The following WNT5A variants were observed in gnomAD, a reference collection of about 807,000 sequenced individuals.
WNT5A encodes the protein protein Wnt-5a.
Under a neutral mutation model 42.1 loss-of-function variants are expected in WNT5A, and 9 were observed. That is an observed-to-expected ratio of 0.21 (90% CI 0.13 to 0.37). The LOEUF (loss-of-function observed/expected upper bound fraction) is 0.37. Ranked by LOEUF, WNT5A falls within the 10% of genes least tolerant of loss-of-function variation. The pLI is 1.00. For missense variants in WNT5A, 426 were observed against 534.0 expected, an observed-to-expected ratio of 0.80 and a Z score of 1.99; for synonymous variants, 210 against 210.0, an observed-to-expected ratio of 1.00 and a Z score of 0.00.
intron 3 of WNT5A, among the ~76,000 whole-genome samples, chr3:55,478,543 A>G (rs1398838151): frequency 6.6e-6 from 1 of 152,262 alleles, no homozygotes; most frequent in Admixed American, 6.5e-5. Flanking sequence ...TATTTAAACA[A>G]AAGCAGAGGC....
chr3:55,497,584 C>G, the WNT5A span: 3 of 152,254 alleles, frequency 2.0e-5, no homozygotes, highest in Admixed American at 1.3e-4. Context: ...AATGCACTCC[C>G]TCTAGTCTGT....
chr3:55,499,932 G>T, the WNT5A span, among the ~76,000 whole-genome samples: 1 of 150,722 alleles, frequency 6.6e-6, no homozygotes, highest in Admixed American at 6.6e-5. Context: ...CCGAGATAGA[G>T]CCACTGCACT....
Position 55,467,521 on chromosome 3 carries a change from G to T in WNT5A, c.*2571C>A, listed in dbSNP as rs559598298. The T allele has an allele frequency of 6.6e-6, 1 of 152,254 alleles. No individual in the cohort carries two copies. The highest frequency in any genetic ancestry group is 6.6e-5 in the Admixed American group (1 of 15,238). 9.4% of individuals were successfully genotyped at this position (152,254 alleles called of 1,614,324 possible). ...GACATGTAGTCATCCTAAACTATCC[G>T]TCATGGTTTCTCCAAAAATCTCCAC... On this transcript the variant is annotated 3_prime_UTR_variant, in exon 5 of 5. Coordinates refer to ENST00000264634, the MANE Select transcript of WNT5A (RefSeq NM_003392.7).
chr3:55,470,798 AG>A (rs1337982882), intron 4 of WNT5A, among the ~76,000 whole-genome samples: 3 of 152,196 alleles, frequency 2.0e-5, no homozygotes, highest in Non-Finnish European at 2.9e-5. Flanking sequence ...TAATAGGAAC[AG>A]GAAAAAAAAA....
chr3:55,498,752 T>G, the WNT5A span, among the ~76,000 whole-genome samples: 1 of 152,074 alleles, frequency 6.6e-6, no homozygotes, highest in Non-Finnish European at 1.5e-5. Context: ...ACAGACTAGA[T>G]TAACAGAGAT....
chr3:55,474,633 T>G lies in WNT5A; in HGVS notation c.392-4A>C, dbSNP rs1575398724. On this transcript the variant is annotated splice_region_variant and splice_polypyrimidine_tract_variant and intron_variant, in intron 3 of 4. Coordinates refer to ENST00000264634, the MANE Select transcript of WNT5A (RefSeq NM_003392.7). ...GTGAAGGCCGTCTCGCGGCTGCCTG[T>G]GGGTGAGGACAAGGGATCACTGGCC... The G allele has an allele frequency of 8.1e-7, 1 of 1,231,714 alleles. No homozygotes were observed. Among genetic ancestry groups the G allele is most frequent in the Non-Finnish European group, 1.0e-6 (1 of 987,438 alleles). The allele number at this position is 1,231,714 out of a possible 1,614,324, so 76.3% of individuals were successfully genotyped here. A position where few individuals can be genotyped will look rare whatever the true frequency, so the allele number is the denominator to read the frequency against.
At chr3:55,493,230 T>G (rs958740943), upstream of WNT5A, among the ~76,000 whole-genome samples, 3 of 152,230 alleles carry the variant, frequency 2.0e-5, no homozygotes, top group Admixed American at 6.5e-5. Flanking sequence ...ATGTCACATC[T>G]CTGCTTAAAG....
rs565807106 is a variant in WNT5A, at chr3:55,481,350, G to A, written c.7-432C>T. The stretch of plus-strand genomic sequence containing the variant: ...CCCAACCTGGGCCGAGCAACAAGTG[G>A]AGCCAGAATTAATTCCATGGGCGAG... On this transcript the variant is annotated intron_variant, in intron 1 of 4. Coordinates refer to ENST00000264634, the MANE Select transcript of WNT5A (RefSeq NM_003392.7). The A allele has an allele frequency of 8.4e-5, 83 of 986,530 alleles. No individual in the cohort carries two copies. In the African/African-American group the frequency reaches 1.2e-3, roughly 14 times the overall value. The allele number at this position is 986,530 out of a possible 1,614,324, so 61.1% of individuals were successfully genotyped here.
chr3:55,473,891 A>C lies in WNT5A; in HGVS notation c.684+446T>G, dbSNP rs184812907. Among the ~76,000 whole-genome samples, 168 of 152,284 alleles carry C rather than the reference A, an allele frequency of 1.1e-3. 1 individual carries two copies. Among genetic ancestry groups the C allele is most frequent in the African/African-American group, 3.5e-3 (145 of 41,558 alleles). On this transcript the variant is annotated intron_variant, in intron 4 of 4. Transcript: ENST00000264634. The stretch of plus-strand genomic sequence containing the variant: ...GAGGGAGAAAGTTATTCCCATTTTT[A>C]TTTCTGTGCTCCAGTAGCCAAAGGT...
chr3:55,470,122 C>T lies in WNT5A; in HGVS notation c.1113G>A (p.Thr371=), dbSNP rs751084010. The T allele has an allele frequency of 9.3e-6, 15 of 1,614,130 alleles. No individual in the cohort carries two copies. In the South Asian group the frequency reaches 1.4e-4, roughly 15 times the overall value. The change falls in exon 5 of 5, where the codon ACG becomes ACA. Residue 371 remains threonine, a synonymous_variant. Coordinates refer to ENST00000264634, the MANE Select transcript of WNT5A (RefSeq NM_003392.7). ...WCCYVKCKKC[T]EIVDQFVCK ...TGCACACAAACTGGTCCACGATCTC[C>T]GTGCACTTCTTGCACTTGACGTAGC...
chr3:55,474,130 TGA>T (rs2051302824), intron 4 of WNT5A, among the ~76,000 whole-genome samples: 1 of 150,762 alleles, frequency 6.6e-6, no homozygotes, highest in Non-Finnish European at 1.5e-5. Flanking sequence ...AGAAAGAAAG[TGA>T]GACGGGAACA....
At chr3:55,502,272 A>T in the WNT5A span, among the ~76,000 whole-genome samples, 1 of 152,164 alleles carries the variant, frequency 6.6e-6, no homozygotes, top group Non-Finnish European at 1.5e-5. Flanking sequence ...TCTTGTGCTG[A>T]TGGGGTCAGC....
intron 1 of WNT5A, among the ~76,000 whole-genome samples, chr3:55,482,872 G>T (rs1432034932): frequency 1.3e-5 from 2 of 152,136 alleles, no homozygotes; most frequent in Non-Finnish European, 2.9e-5. Context: ...AAGGGCAGCC[G>T]ATGCCGCGTG....
chr3:55,487,160 G>T lies in WNT5A; in HGVS notation c.-175C>A. The T allele has an allele frequency of 1.7e-6, 1 of 597,930 alleles. No individual in the cohort carries two copies. Among genetic ancestry groups the T allele is most frequent in the Non-Finnish European group, 2.9e-6 (1 of 339,298 alleles). 37.0% of individuals were successfully genotyped at this position (597,930 alleles called of 1,614,324 possible). On this transcript the variant is annotated 5_prime_UTR_variant, in exon 1 of 5. Coordinates refer to ENST00000264634, the MANE Select transcript of WNT5A (RefSeq NM_003392.7). ...GGAGCTGAAGCGGGCACTGGCGCCC[G>T]GGCCTGGACTCCCGAGTTGGGGCAG...
chr3:55,489,844 G>C (rs571176533), upstream of WNT5A: 2 of 152,464 alleles, frequency 1.3e-5, no homozygotes, highest in South Asian at 4.1e-4. Flanking sequence ...CACCTGAGGA[G>C]GGTGTCTGAA....
At chr3:55,481,042 C>A in intron 1 of WNT5A, 124 bp from the exon 2 acceptor site, 3 of 1,106,740 alleles carry the variant, frequency 2.7e-6, no homozygotes, top group Non-Finnish European at 3.5e-6. Context: ...GCTTCTCCTC[C>A]GTGAGTTTTT....
At chr3:55,480,449 G>C (rs2051436296) in intron 2 of WNT5A, among the ~76,000 whole-genome samples, 1 of 152,182 alleles carries the variant, frequency 6.6e-6, no homozygotes, top group African/African-American at 2.4e-5. Context: ...GTGGCAAAAA[G>C]TAAATTTTGT....
intron 2 of WNT5A, 30 bp from the exon 3 acceptor site, chr3:55,479,594 T>C: frequency 1.3e-6 from 2 of 1,543,766 alleles, no homozygotes; most frequent in Non-Finnish European, 1.8e-6. Context: ...GCATTCAAGA[T>C]TTACGTGAAA....
chr3:55,493,692 G>T (rs2051686081), upstream of WNT5A: 1 of 152,166 alleles, frequency 6.6e-6, no homozygotes, highest in South Asian at 2.1e-4. Context: ...CTGAGCAAAA[G>T]TTTGAACCCT....
Sources: allele counts gnomAD v4.1 joint callset (sites outside exome capture counted in the v4.1 genomes callset), GRCh38; gene constraint gnomAD v4.1.1; transcripts MANE v1.5; gene names NCBI Gene and HGNC (gene_info 2026-07-23, HGNC 2026-07-21).